UBR3: variants seen among roughly 807,000 people sequenced by gnomAD.
UBR3 encodes ubiquitin protein ligase E3 component n-recognin 3.
A neutral mutation model predicts 243.2 loss-of-function variants in UBR3; 85 were observed. The observed-to-expected ratio is 0.35, with a 90% CI of 0.29 to 0.42. The LOEUF (loss-of-function observed/expected upper bound fraction) is 0.42, where lower values mean the gene tolerates loss of function less well. Ranked by LOEUF, UBR3 falls within the 10% of genes least tolerant of loss-of-function variation. The pLI, the probability that UBR3 is intolerant of heterozygous loss-of-function variation, is 1.00. For synonymous variants in UBR3, 748 were observed against 799.8 expected, an observed-to-expected ratio of 0.94 and a Z score of 1.09; for missense variants, 1,686 against 2,300.8, an observed-to-expected ratio of 0.73 and a Z score of 5.47.
Position 170,037,933 on chromosome 2 carries a change from A to G in UBR3, c.4557-2949A>G, listed in dbSNP as rs1316166707. On this transcript the variant is annotated intron_variant, in intron 31 of 38. Coordinates refer to ENST00000272793, the MANE Select transcript of UBR3 (RefSeq NM_172070.4). ...ATTTTAAATAATATTGGAAGGTCAC[A>G]TACAATAATAAGCAAATTAATAATA... is the stretch of plus-strand genomic sequence containing the variant. 2.0e-5 allele frequency among the ~76,000 whole-genome samples: 3 copies of G among 152,314 alleles called. 1 individual carries two copies. In the South Asian group the frequency reaches 6.2e-4, roughly 32 times the overall value.
At chr2:170,043,152 T>C (rs2091008741) in intron 32 of UBR3, among the ~76,000 whole-genome samples, 4 of 152,166 alleles carry the variant, frequency 2.6e-5, no homozygotes, top group Admixed American at 1.3e-4. Context: ...TATGAGTTAT[T>C]ACATAAACCT....
At chr2:169,960,733 T>G (rs1296163708) in intron 24 of UBR3, among the ~76,000 whole-genome samples, 3 of 152,158 alleles carry the variant, frequency 2.0e-5, no homozygotes, top group African/African-American at 7.2e-5. Flanking sequence ...TTTAAACTTT[T>G]AAATTGTCAA....
At chr2:170,078,355 C>T (rs151204800) in intron 36 of UBR3, 9 of 264,412 alleles carry the variant, frequency 3.4e-5, no homozygotes, top group Non-Finnish European at 5.8e-5. Context: ...CAGAGACCCA[C>T]GAGTGAACTC....
At chr2:169,925,829 G>A (rs767456224) in intron 14 of UBR3, 82 bp downstream of exon 14, 15 of 1,281,880 alleles carry the variant, frequency 1.2e-5, no homozygotes, top group Admixed American at 3.1e-5. Flanking sequence ...AGGTGACTGC[G>A]TGATGACATG....
chr2:170,051,518 G>A (rs889904990), intron 32 of UBR3, among the ~76,000 whole-genome samples: 2 of 151,984 alleles, frequency 1.3e-5, no homozygotes, highest in African/African-American at 4.8e-5. Context: ...CTAATTTTTT[G>A]TATTTTTAGT....
At chr2:170,074,832 T>C (rs1249787294) in intron 36 of UBR3, among the ~76,000 whole-genome samples, 4 of 152,176 alleles carry the variant, frequency 2.6e-5, no homozygotes, top group Non-Finnish European at 5.9e-5. Context: ...CTTTAATGTA[T>C]CTGAATGGGG....
intron 11 of UBR3, among the ~76,000 whole-genome samples, chr2:169,917,167 C>T (rs2085495577): frequency 6.6e-6 from 1 of 152,140 alleles, no homozygotes; most frequent in Non-Finnish European, 1.5e-5. Flanking sequence ...TTTGATTCTG[C>T]CCTGACCAAC....
intron 19 of UBR3, among the ~76,000 whole-genome samples, chr2:169,935,590 A>G (rs908273494): frequency 6.6e-6 from 1 of 152,190 alleles, no homozygotes; most frequent in African/African-American, 2.4e-5. Context: ...TAAAATATGT[A>G]ATTTCTTATA....
chr2:169,858,428 C>T (rs760753590), intron 1 of UBR3, among the ~76,000 whole-genome samples: 14 of 152,002 alleles, frequency 9.2e-5, no homozygotes, highest in African/African-American at 3.4e-4. Flanking sequence ...GTTTTCTAGG[C>T]TGTCTTGGCC....
intron 1 of UBR3, among the ~76,000 whole-genome samples, chr2:169,843,046 A>G (rs919647740): frequency 7.9e-5 from 12 of 152,128 alleles, no homozygotes; most frequent in Non-Finnish European, 7.3e-5. Context: ...TGCTTCTTTT[A>G]TGGCAATCTA....
chr2:169,999,929 C>A (rs1191325707), intron 26 of UBR3, among the ~76,000 whole-genome samples: 1 of 152,002 alleles, frequency 6.6e-6, no homozygotes, highest in Non-Finnish European at 1.5e-5. Flanking sequence ...GAGTTCGAGA[C>A]CAGCCTGACC....
At chr2:169,831,240 A>G (rs929545921) in intron 1 of UBR3, among the ~76,000 whole-genome samples, 11 of 143,146 alleles carry the variant, frequency 7.7e-5, no homozygotes, top group South Asian at 2.3e-4. Context: ...TCCCGGGTTC[A>G]AGTGATTCTC....
At position 170,001,301 on chromosome 2, in the gene UBR3, A is replaced by G; in HGVS notation, c.3919-3A>G. 2 of 1,597,180 alleles carry G rather than the reference A, an allele frequency of 1.3e-6. No individual in the cohort carries two copies. The highest frequency in any genetic ancestry group is 4.5e-5 in the East Asian group (2 of 44,730). On this transcript the variant is annotated splice_region_variant and splice_polypyrimidine_tract_variant and intron_variant, in intron 26 of 38. Transcript: ENST00000272793. Reference sequence around the variant, plus strand: ...TTGTATTTGTCTTCTTTTTATTTTGAAGAGTTCATGTCTCTTGGCAGTATC... The same window carrying G: ...TTGTATTTGTCTTCTTTTTATTTTGGAGAGTTCATGTCTCTTGGCAGTATC...
chr2:169,973,645 A>C (rs1035729642), intron 24 of UBR3, among the ~76,000 whole-genome samples: 18 of 152,186 alleles, frequency 1.2e-4, no homozygotes, highest in African/African-American at 4.1e-4. Context: ...AGTCATTTGC[A>C]CTTAGTGACA....
chr2:169,997,827 A>G (rs1019521698), intron 26 of UBR3, among the ~76,000 whole-genome samples: 1 of 152,138 alleles, frequency 6.6e-6, no homozygotes, highest in African/African-American at 2.4e-5. Flanking sequence ...TCATGGTCTC[A>G]GAATGGGGGA....
At chr2:170,000,114 G>T (rs1574370058) in intron 26 of UBR3, among the ~76,000 whole-genome samples, 1 of 135,076 alleles carries the variant, frequency 7.4e-6, no homozygotes, top group African/African-American at 2.8e-5. Context: ...CAACAAGAGT[G>T]AAACTTAATC....
At chr2:169,947,414 G>T in intron 21 of UBR3, 128 bp from the exon 22 acceptor site, 2 of 664,244 alleles carry the variant, frequency 3.0e-6, no homozygotes, top group East Asian at 3.4e-5. Context: ...TTTATAATTT[G>T]TGGATGAGAC....
At position 170,077,255 on chromosome 2, in the gene UBR3, T is replaced by C. The variant is rs573779429; in HGVS notation, c.5200-2559T>C. ...CAGTAAGACTGCATTTATACATCCATCATTTTCAGGATTGTTGGTAACCAC... is the reference window on the plus strand; with the variant it reads ...CAGTAAGACTGCATTTATACATCCACCATTTTCAGGATTGTTGGTAACCAC... On this transcript the variant is annotated intron_variant, in intron 36 of 38. Transcript: ENST00000272793. 8.1e-6 allele frequency: 6 copies of C among 737,176 alleles called. No homozygotes were observed. The Admixed American group carries it at 8.7e-5, about 11-fold the overall frequency. The allele number at this position is 737,176 out of a possible 1,614,324, so 45.7% of individuals were successfully genotyped here.
In UBR3 at chr2:170,059,579, G is replaced by A. The variant is rs998136763; in HGVS notation, c.4786-1500G>A. 2.0e-5 allele frequency among the ~76,000 whole-genome samples: 3 copies of A among 152,044 alleles called. No individual in the cohort carries two copies. The East Asian group carries it at 5.8e-4, about 29-fold the overall frequency. On this transcript the variant is annotated intron_variant, in intron 33 of 38. Transcript: ENST00000272793. ...ATACATTGCTGTTTTGATATTTAGC[G>A]AGATATTGATTCTTGTGAATTATAT...
Sources: allele counts gnomAD v4.1 joint callset (sites outside exome capture counted in the v4.1 genomes callset), GRCh38; gene constraint gnomAD v4.1.1; transcripts MANE v1.5; gene names NCBI Gene and HGNC (gene_info 2026-07-23, HGNC 2026-07-21).